Variants in CHCHD3 observed in about 807,000 individuals in gnomAD.
CHCHD3 encodes the protein coiled-coil-helix-coiled-coil-helix domain containing 3, also known as MICOS complex subunit MIC19.
CHCHD3 carries 20 observed loss-of-function variants against 38.2 expected under a neutral mutation model. That is an observed-to-expected ratio of 0.52 (90% CI 0.37 to 0.76). The LOEUF (loss-of-function observed/expected upper bound fraction) is 0.76. CHCHD3 is among the 30% of genes least tolerant of loss of function. The probability of loss-of-function intolerance (pLI) is 0.00; values close to 1 mark genes in which losing one functional copy is unlikely to be tolerated. For missense variants in CHCHD3, 245 were observed against 279.2 expected, an observed-to-expected ratio of 0.88 and a Z score of 0.87; for synonymous variants, 82 against 100.0, an observed-to-expected ratio of 0.82 and a Z score of 1.07.
chr7:132,969,158 GT>G (rs201954730), intron 4 of CHCHD3, among the ~76,000 whole-genome samples: 10,735 of 141,804 alleles, frequency 0.076, 562 homozygotes, highest in African/African-American at 0.16. Flanking sequence ...TTTTTACTGT[GT>G]TTTTTTTTTT....
At chr7:132,875,427 T>G (rs1222651476) in intron 5 of CHCHD3, among the ~76,000 whole-genome samples, 1 of 152,234 alleles carries the variant, frequency 6.6e-6, no homozygotes, top group Non-Finnish European at 1.5e-5. Flanking sequence ...ATGTTTATTT[T>G]CAGAAAGAAC....
intron 6 of CHCHD3, among the ~76,000 whole-genome samples, chr7:132,816,937 A>G (rs1364714421): frequency 6.6e-6 from 1 of 152,224 alleles, no homozygotes; most frequent in Non-Finnish European, 1.5e-5. Flanking sequence ...ATGGCATACA[A>G]AAGCCTGAAA....
chr7:132,965,824 C>T (rs1811451381), intron 4 of CHCHD3, among the ~76,000 whole-genome samples: 1 of 152,150 alleles, frequency 6.6e-6, no homozygotes. Flanking sequence ...ATTAAATTTA[C>T]AGTCAGTGTT....
intron 6 of CHCHD3, among the ~76,000 whole-genome samples, chr7:132,824,505 A>G (rs553093343): frequency 2.0e-5 from 3 of 152,042 alleles, no homozygotes; most frequent in African/African-American, 7.2e-5. Flanking sequence ...TAGTAAAGAC[A>G]GGGTTTCACC....
intron 4 of CHCHD3, among the ~76,000 whole-genome samples, chr7:132,914,649 C>CA (rs1386945148): frequency 7.2e-5 from 11 of 152,100 alleles, no homozygotes. Flanking sequence ...TGTTCTCAAG[C>CA]ATTAAACCTG....
At chr7:132,871,560 T>C (rs1256167669) in intron 5 of CHCHD3, among the ~76,000 whole-genome samples, 5 of 152,228 alleles carry the variant, frequency 3.3e-5, no homozygotes, top group African/African-American at 7.2e-5. Flanking sequence ...GTGGACTGCT[T>C]GCCCAAGGAG....
chr7:132,902,146 A>G (rs1370719132), intron 4 of CHCHD3, among the ~76,000 whole-genome samples: 1 of 152,172 alleles, frequency 6.6e-6, no homozygotes, highest in East Asian at 1.9e-4. Flanking sequence ...TAGAATGGCA[A>G]TCATTAAAAA....
chr7:132,887,967 A>G (rs1809257875), intron 4 of CHCHD3, among the ~76,000 whole-genome samples: 1 of 151,856 alleles, frequency 6.6e-6, no homozygotes, highest in African/African-American at 2.4e-5. Context: ...ATGCAAAGAT[A>G]TTCATTATAG....
intron 2 of CHCHD3, among the ~76,000 whole-genome samples, chr7:133,043,443 A>T (rs999104327): frequency 5.9e-5 from 9 of 152,172 alleles, no homozygotes; most frequent in Non-Finnish European, 1.3e-4. Context: ...GGAGTCTGAG[A>T]CCAGCCTGGC....
chr7:132,970,496 C>A (rs1585685869), intron 4 of CHCHD3, among the ~76,000 whole-genome samples: 2 of 152,208 alleles, frequency 1.3e-5, no homozygotes, highest in East Asian at 3.8e-4. Flanking sequence ...AAAGTCCTGG[C>A]TTTCCCAAAA....
chr7:132,955,897 C>A (rs932654120), intron 4 of CHCHD3, among the ~76,000 whole-genome samples: 6 of 152,092 alleles, frequency 3.9e-5, no homozygotes, highest in Non-Finnish European at 5.9e-5. Context: ...GTGATAATAT[C>A]CAGGGTGGTC....
chr7:132,796,187 G>A (rs1296888554), intron 7 of CHCHD3, among the ~76,000 whole-genome samples: 1 of 152,002 alleles, frequency 6.6e-6, no homozygotes, highest in Non-Finnish European at 1.5e-5. Context: ...CAGGGCAAGT[G>A]GAAAAAAGTA....
chr7:132,940,153 C>T (rs779598082), intron 4 of CHCHD3, among the ~76,000 whole-genome samples: 1 of 152,202 alleles, frequency 6.6e-6, no homozygotes, highest in East Asian at 1.9e-4. Context: ...GTCACAGCTA[C>T]TCAGATGAAA....
intron 4 of CHCHD3, among the ~76,000 whole-genome samples, chr7:132,928,145 G>C (rs1163779828): frequency 1.3e-5 from 2 of 152,102 alleles, no homozygotes; most frequent in African/African-American, 2.4e-5. Context: ...AATGAGGAAG[G>C]GGACAGGCCA....
rs372446267 is a variant in CHCHD3 at position 132,931,932 on chromosome 7, G to A, written c.369+43237C>T. ...ATAATGCAGCTTTACACTGCATCATGAAAGCAAGAAAACAGCCAGCTGTGA... is the reference window on the plus strand; with the variant it reads ...ATAATGCAGCTTTACACTGCATCATAAAAGCAAGAAAACAGCCAGCTGTGA... On this transcript the variant is annotated intron_variant, in intron 4 of 7. Transcript: ENST00000262570. Among the ~76,000 whole-genome samples the A allele has an allele frequency of 2.5e-4, 38 of 152,228 alleles. No homozygotes were observed. In the East Asian group the frequency reaches 7.0e-3, roughly 28 times the overall value.
intron 3 of CHCHD3, among the ~76,000 whole-genome samples, chr7:133,004,779 G>A (rs1020258079): frequency 2.6e-5 from 4 of 152,132 alleles, no homozygotes; most frequent in Non-Finnish European, 5.9e-5. Context: ...TCAAATGTTG[G>A]TACATTTTAT....
At chr7:132,792,257 T>C (rs1806480385) in intron 7 of CHCHD3, among the ~76,000 whole-genome samples, 2 of 152,230 alleles carry the variant, frequency 1.3e-5, no homozygotes, top group African/African-American at 4.8e-5. Context: ...GGCTTACGGC[T>C]GGCTGGAGGG....
At chr7:132,985,765 G>A (rs1376541607) in intron 3 of CHCHD3, among the ~76,000 whole-genome samples, 4 of 80,972 alleles carry the variant, frequency 4.9e-5, no homozygotes, top group African/African-American at 9.5e-5. Context: ...CAGCCACCCC[G>A]TCCGGGAGGG....
intron 6 of CHCHD3, among the ~76,000 whole-genome samples, chr7:132,837,144 A>G (rs1214381077): frequency 1.3e-5 from 2 of 152,214 alleles, no homozygotes; most frequent in Non-Finnish European, 2.9e-5. Context: ...ATTGATCTCT[A>G]ATGTATCCGA....
Sources: gnomAD v4.1 joint callset for allele counts (sites outside exome capture counted in the v4.1 genomes callset) on GRCh38, gnomAD v4.1.1 for gene constraint, MANE v1.5 for transcripts, NCBI Gene and HGNC (gene_info 2026-07-23, HGNC 2026-07-21) for gene names.